CEP290: variants seen among roughly 807,000 people sequenced by gnomAD.
CEP290 encodes centrosomal protein of 290 kDa.
CEP290 carries 317 observed loss-of-function variants against 344.9 expected under a neutral mutation model. The ratio of observed to expected loss-of-function variants is 0.92; its 90% CI spans 0.84 to 1.01. The LOEUF is 1.01. CEP290 is among the 50% of genes least tolerant of loss of function. The probability of loss-of-function intolerance (pLI) is 0.00; values close to 1 mark genes in which losing one functional copy is unlikely to be tolerated. For missense variants in CEP290, 2,754 were observed against 2,761.4 expected (o/e 1.00, Z 0.06); for synonymous variants, 932 against 895.8 (o/e 1.04, Z -0.72).
At chr12:88,106,244 T>C (rs939986864) in intron 25 of CEP290, among the ~76,000 whole-genome samples, 3 of 152,050 alleles carry the variant, frequency 2.0e-5, no homozygotes, top group African/African-American at 7.2e-5. Flanking sequence ...ACAAGTAAAA[T>C]GACACACACA....
Position 88,141,254 on chromosome 12 carries a change from C to T in CEP290, c.54G>A (p.Leu18=), listed in dbSNP as rs886049885. The change falls in exon 2 of 54, where the codon CTG becomes CTA. Residue 18 remains leucine (L), a synonymous_variant. Coordinates refer to ENST00000552810, the MANE Select transcript of CEP290 (RefSeq NM_025114.4). ...KEIMKVDPDD[L]PRQEELADNL... is the part of the protein sequence containing the mutation. ...TATCTGCCAGTTCTTCTTGACGGGGCAGGTCATCTGGGTCAACTTTCATTA... is the reference window on the plus strand; with the variant it reads ...TATCTGCCAGTTCTTCTTGACGGGGTAGGTCATCTGGGTCAACTTTCATTA... 1 of 1,610,790 alleles carries T rather than the reference C, an allele frequency of 6.2e-7. No individual in the cohort carries two copies. The highest frequency in any genetic ancestry group is 8.5e-7 in the Non-Finnish European group (1 of 1,178,874).
chr12:88,119,306 G>C (rs1466008709), intron 15 of CEP290, among the ~76,000 whole-genome samples: 2 of 151,972 alleles, frequency 1.3e-5, no homozygotes, highest in Admixed American at 6.6e-5. Flanking sequence ...TTGATATTTA[G>C]ATATTTATTT....
At chr12:88,131,967 G>A (rs532731660) in intron 6 of CEP290, among the ~76,000 whole-genome samples, 8 of 152,238 alleles carry the variant, frequency 5.3e-5, no homozygotes, top group African/African-American at 1.7e-4. Context: ...CACCGGCCTA[G>A]GTTTATGTCC....
chr12:88,130,359 GTT>G lies in CEP290; in HGVS notation c.576_577del (p.Glu192AspfsTer11), dbSNP rs762128059. On this transcript the variant is annotated frameshift_variant, in exon 9 of 54. Coordinates refer to ENST00000552810, the MANE Select transcript of CEP290 (RefSeq NM_025114.4). LOFTEE classifies it high-confidence loss of function. ...GTCTTCCCCTCTTCTTGATAAAAGT[GTT>G]TCTTTCTGTGAATCTATTTGTTTCT... The G allele has an allele frequency of 6.2e-7, 1 of 1,609,892 alleles. No individual in the cohort carries two copies. Among genetic ancestry groups the G allele is most frequent in the South Asian group, 1.1e-5 (1 of 90,302 alleles).
At chr12:88,103,259 CT>C (rs2038035382) in intron 25 of CEP290, 1 of 234,430 alleles carries the variant, frequency 4.3e-6, no homozygotes, top group Non-Finnish European at 8.1e-6. Context: ...TAAAATAAAA[CT>C]CAATTAATTT....
intron 6 of CEP290, among the ~76,000 whole-genome samples, chr12:88,132,884 C>T (rs1349890516): frequency 6.6e-6 from 1 of 152,050 alleles, no homozygotes; most frequent in Non-Finnish European, 1.5e-5. Flanking sequence ...GATGTTCTCC[C>T]ACCCCGACCC....
At chr12:88,117,622 C>G (rs1026294295) in intron 17 of CEP290, among the ~76,000 whole-genome samples, 1 of 152,110 alleles carries the variant, frequency 6.6e-6, no homozygotes, top group South Asian at 2.1e-4. Flanking sequence ...GGTCTTCTTA[C>G]AAAAAAGCAC....
chr12:88,062,624 T>G, intron 46 of CEP290, 68 bp downstream of exon 46: 1 of 1,018,604 alleles, frequency 9.8e-7, no homozygotes, highest in African/African-American at 1.6e-5. Context: ...TTACAACATA[T>G]CTAAACTTTT....
chr12:88,106,884 T>G lies in CEP290; in HGVS notation c.2608A>C (p.Met870Leu), dbSNP rs2038321332. ...ATTTTTTTCATTTCATCCGAATCCA[T>G]CTGAAGAGCATTGAGCAAATTCTGC... The part of the protein sequence containing the change: ...EYNNLLNALQ[M>L]DSDEMKKILA... The change falls in exon 25 of 54, where the codon ATG (methionine) becomes CTG (leucine). Residue 870 changes from methionine to leucine, a missense_variant. By Grantham distance (15) the Met-to-Leu change is conservative. Transcript: ENST00000552810. 2 of 1,606,122 alleles carry G rather than the reference T, an allele frequency of 1.2e-6. No homozygotes were observed. Among genetic ancestry groups the G allele is most frequent in the Admixed American group, 3.4e-5 (2 of 59,074 alleles).
intron 13 of CEP290, 32 bp downstream of exon 13, chr12:88,125,214 T>G: frequency 1.6e-6 from 1 of 614,022 alleles, no homozygotes; most frequent in East Asian, 3.6e-5. Context: ...AACATAATTG[T>G]ATATAAAATA....
chr12:88,064,286 T>A (rs915810050), intron 44 of CEP290, among the ~76,000 whole-genome samples, 171 bp from the exon 45 acceptor site: 1 of 25,052 alleles, frequency 4.0e-5, no homozygotes, highest in African/African-American at 9.3e-5. Context: ...AATACAAAAC[T>A]TGCAGAACAA....
At chr12:88,126,555 T>C (rs979643842) in intron 11 of CEP290, 117 bp from the exon 12 acceptor site, 3 of 695,284 alleles carry the variant, frequency 4.3e-6, no homozygotes, top group Non-Finnish European at 6.4e-6. Flanking sequence ...AAAAATTATT[T>C]GAAATGAGAA....
At chr12:88,082,490 C>T (rs1391351465) in intron 37 of CEP290, among the ~76,000 whole-genome samples, 3 of 152,046 alleles carry the variant, frequency 2.0e-5, no homozygotes, top group Non-Finnish European at 2.9e-5. Context: ...CTCACGAGTT[C>T]AAGACCAGCC....
At chr12:88,071,548 C>T in intron 42 of CEP290, 99 bp from the exon 43 acceptor site, 1 of 1,024,214 alleles carries the variant, frequency 9.8e-7, no homozygotes, top group Non-Finnish European at 1.4e-6. Context: ...TTGTAACACC[C>T]TATATTTGTC....
chr12:88,083,625 C>A (rs1433755165), intron 36 of CEP290, among the ~76,000 whole-genome samples: 1 of 152,058 alleles, frequency 6.6e-6, no homozygotes, highest in Non-Finnish European at 1.5e-5. Flanking sequence ...AAAAGAAAGG[C>A]AGGTAGGTTC....
chr12:88,113,265 G>A (rs1416925043), intron 20 of CEP290, among the ~76,000 whole-genome samples: 1 of 152,006 alleles, frequency 6.6e-6, no homozygotes, highest in Non-Finnish European at 1.5e-5. Context: ...AGTTTGATCT[G>A]GGACACAGTA....
chr12:88,055,525 T>G, intron 50 of CEP290, 51 bp downstream of exon 50: 1 of 1,458,516 alleles, frequency 6.9e-7, no homozygotes, highest in Non-Finnish European at 9.3e-7. Context: ...AAGGAACATC[T>G]TGCGATATTA....
At chr12:88,128,888 A>G (rs2039892471) in intron 11 of CEP290, 58 bp downstream of exon 11, 6 of 1,068,302 alleles carry the variant, frequency 5.6e-6, no homozygotes, top group Non-Finnish European at 7.8e-6. Flanking sequence ...AAATAAGACT[A>G]AAATTTAAAT....
chr12:88,071,881 G>A lies in CEP290; in HGVS notation c.5755C>T (p.Gln1919Ter). 6.2e-7 allele frequency: 1 copy of A among 1,600,326 alleles called. No homozygotes were observed. The highest frequency in any genetic ancestry group is 1.3e-5 in the African/African-American group (1 of 74,288). The change falls in exon 42 of 54, where the codon CAA (glutamine) becomes TAA (stop). Residue 1919 changes from glutamine (Q) to a stop codon, truncating the protein, a stop_gained. Coordinates refer to ENST00000552810, the MANE Select transcript of CEP290 (RefSeq NM_025114.4). LOFTEE classifies it high-confidence loss of function. ...TTTCGAATTCCTTCTATTTTGGCTT[G>A]CCACTTTTTACCTTCTTCCCACCTA... The part of the protein sequence containing the change: ...LIRWEEGKKW[Q>*]AKIEGIRNKL...
Sources: allele counts gnomAD v4.1 joint callset (sites outside exome capture counted in the v4.1 genomes callset), GRCh38; gene constraint gnomAD v4.1.1; transcripts MANE v1.5; gene names NCBI Gene and HGNC (gene_info 2026-07-23, HGNC 2026-07-21).